The following CSMD1 variants were observed in gnomAD, a reference collection of about 807,000 sequenced individuals.
The protein encoded by CSMD1 is CUB and Sushi multiple domains 1.
A neutral mutation model predicts 417.5 loss-of-function variants in CSMD1; 213 were observed. The ratio of observed to expected loss-of-function variants is 0.51; its 90% CI spans 0.46 to 0.57. The LOEUF (loss-of-function observed/expected upper bound fraction) is 0.57, where lower values mean the gene tolerates loss of function less well. Ranked by LOEUF, CSMD1 falls within the 20% of genes least tolerant of loss-of-function variation. CSMD1 has a pLI of 0.00. For synonymous variants in CSMD1, 2,862 were observed against 1,736.8 expected (o/e 1.65, Z -16.11); for missense variants, 6,923 against 4,529.7 (o/e 1.53, Z -15.17).
chr8:3,646,109 G>A lies in CSMD1; in HGVS notation c.1010-29312C>T, dbSNP rs114183714. ...TTACAAAATAGAAAACTCTTCAGCC[G>A]AGAAAACCTTTTGAAGAATGCTTAT... On this transcript the variant is annotated intron_variant, in intron 7 of 69. Coordinates refer to ENST00000635120, the MANE Select transcript of CSMD1 (RefSeq NM_033225.6). Among the ~76,000 whole-genome samples, 520 of 150,400 alleles carry A rather than the reference G, an allele frequency of 3.5e-3. 5 individuals carry two copies. The highest frequency in any genetic ancestry group is 0.012 in the African/African-American group (490 of 41,146).
chr8:4,630,933 C>G (rs1802473729), intron 2 of CSMD1, among the ~76,000 whole-genome samples: 1 of 152,156 alleles, frequency 6.6e-6, no homozygotes, highest in Non-Finnish European at 1.5e-5. Flanking sequence ...GACTGCACGG[C>G]TGCCCCAGTG....
chr8:4,109,341 C>T (rs1028503594), intron 3 of CSMD1, among the ~76,000 whole-genome samples: 2 of 151,956 alleles, frequency 1.3e-5, no homozygotes, highest in Admixed American at 6.6e-5. Flanking sequence ...CTATCATTTT[C>T]ACGAATAAAA....
rs186426510 is a variant in CSMD1, at chr8:3,792,991, C to A, written c.819-38949G>T. 2.6e-4 allele frequency among the ~76,000 whole-genome samples: 39 copies of A among 152,284 alleles called. No individual in the cohort carries two copies. In the East Asian group the frequency reaches 7.2e-3, roughly 28 times the overall value. ...TCACCGTCTAGAACCATCCACTCTACCACAGGTGTGAATTTCCTCACTCTG... is the reference window on the plus strand; with the variant it reads ...TCACCGTCTAGAACCATCCACTCTAACACAGGTGTGAATTTCCTCACTCTG... On this transcript the variant is annotated intron_variant, in intron 5 of 69. Transcript: ENST00000635120.
At position 4,032,091 on chromosome 8, in the gene CSMD1, T is replaced by G; in HGVS notation, c.424A>C (p.Ser142Arg). ...GFKALYEVLP[S>R]HTCGNPGEIL... ...TCTCCAGGATTTCCACAAGTGTGGC[T>G]AGGTAAAACTATTGGAAAAAGAAAA... is the stretch of plus-strand genomic sequence containing the variant. Residue 142 changes from serine (S) to arginine (R), a missense_variant, in exon 4 of 70, where the codon AGC becomes CGC. Transcript: ENST00000635120. 1 of 1,604,166 alleles carries G rather than the reference T, an allele frequency of 6.2e-7. No individual in the cohort carries two copies. Among genetic ancestry groups the G allele is most frequent in the Non-Finnish European group, 8.5e-7 (1 of 1,173,018 alleles).
intron 52 of CSMD1, among the ~76,000 whole-genome samples, chr8:3,001,326 C>G (rs546228167): frequency 5.8e-4 from 88 of 152,234 alleles, no homozygotes; most frequent in African/African-American, 2.1e-3. Context: ...CCTCTTCTGC[C>G]TCTTTACTGC....
At chr8:3,999,136 C>T (rs1385396645) in intron 4 of CSMD1, among the ~76,000 whole-genome samples, 1 of 151,106 alleles carries the variant, frequency 6.6e-6, no homozygotes, top group African/African-American at 2.4e-5. Context: ...TCTTCCTTCC[C>T]TCCTTTCTTT....
intron 7 of CSMD1, among the ~76,000 whole-genome samples, chr8:3,646,041 A>C (rs1797554474): frequency 6.8e-6 from 1 of 147,834 alleles, no homozygotes; most frequent in Admixed American, 6.6e-5. Context: ...AATATTCTAA[A>C]TTCCCAACCA....
intron 7 of CSMD1, among the ~76,000 whole-genome samples, chr8:3,633,300 G>A (rs10089138): frequency 0.16 from 24,250 of 152,140 alleles, 2,333 homozygotes; most frequent in African/African-American, 0.26. Context: ...TGCATACTCA[G>A]AAGTGCATCG....
chr8:3,195,165 A>G (rs146297221), intron 33 of CSMD1, among the ~76,000 whole-genome samples: 57 of 152,272 alleles, frequency 3.7e-4, no homozygotes, highest in African/African-American at 1.3e-3. Context: ...ATATAAGACA[A>G]TTGAAAAAAG....
intron 3 of CSMD1, among the ~76,000 whole-genome samples, chr8:4,065,099 A>T (rs2130755304): frequency 6.6e-6 from 1 of 152,372 alleles, no homozygotes; most frequent in East Asian, 1.9e-4. Flanking sequence ...GTGAAGATTT[A>T]AAAATGTCAT....
intron 24 of CSMD1, 83 bp from the exon 25 acceptor site, chr8:3,307,904 T>C (rs1584970423): frequency 6.8e-7 from 1 of 1,461,120 alleles, no homozygotes; most frequent in Non-Finnish European, 9.3e-7. Context: ...ACCAAAGCCA[T>C]TATGTCTGCA....
intron 3 of CSMD1, among the ~76,000 whole-genome samples, chr8:4,310,339 G>C (rs573834729): frequency 2.5e-4 from 38 of 152,280 alleles, no homozygotes; most frequent in Non-Finnish European, 3.7e-4. Context: ...ACACTGGAAT[G>C]AATGGGTATC....
Position 3,649,765 on chromosome 8 carries a change from T to C in CSMD1, c.1010-32968A>G, listed in dbSNP as rs138183552. ...CAAAGCCTAACCATAACATCATCCA[T>C]AATATTAAAATCACTAATACTAAAT... On this transcript the variant is annotated intron_variant, in intron 7 of 69. Transcript: ENST00000635120. Among the ~76,000 whole-genome samples, 3 of 152,250 alleles carry C rather than the reference T, an allele frequency of 2.0e-5. No individual in the cohort carries two copies. The East Asian group carries it at 5.8e-4, about 29-fold the overall frequency.
At chr8:2,995,277 A>G (rs1328043074) in intron 54 of CSMD1, among the ~76,000 whole-genome samples, 1 of 152,228 alleles carries the variant, frequency 6.6e-6, no homozygotes, top group Non-Finnish European at 1.5e-5. Context: ...TACAGATGGG[A>G]ATAATCACCA....
intron 5 of CSMD1, among the ~76,000 whole-genome samples, chr8:3,793,429 C>G (rs1054936645): frequency 8.5e-5 from 13 of 152,240 alleles, no homozygotes; most frequent in Admixed American, 8.5e-4. Context: ...TTGCCACTGT[C>G]TCTGCAAGAA....
intron 1 of CSMD1, among the ~76,000 whole-genome samples, chr8:4,642,158 A>T (rs1282826723): frequency 6.6e-6 from 1 of 152,148 alleles, no homozygotes; most frequent in Non-Finnish European, 1.5e-5. Flanking sequence ...CTCGGCAAGG[A>T]GCCTATAGGA....
chr8:4,318,383 A>C (rs1312559889), intron 3 of CSMD1, among the ~76,000 whole-genome samples: 1 of 151,958 alleles, frequency 6.6e-6, no homozygotes, highest in Non-Finnish European at 1.5e-5. Flanking sequence ...TCTCGTACAC[A>C]TCTCTATTTG....
intron 3 of CSMD1, among the ~76,000 whole-genome samples, chr8:4,162,536 A>G (rs1584936972): frequency 1.3e-5 from 2 of 152,272 alleles, no homozygotes; most frequent in South Asian, 2.1e-4. Context: ...AAATTTTGAT[A>G]TTTTTAATTT....
chr8:4,639,941 G>C (rs1803090583), intron 1 of CSMD1, among the ~76,000 whole-genome samples: 1 of 152,102 alleles, frequency 6.6e-6, no homozygotes. Flanking sequence ...GTGGGGTTTT[G>C]AAAGGTTTTT....
Sources: allele counts gnomAD v4.1 joint callset (sites outside exome capture counted in the v4.1 genomes callset), GRCh38; gene constraint gnomAD v4.1.1; transcripts MANE v1.5; gene names NCBI Gene and HGNC (gene_info 2026-07-23, HGNC 2026-07-21).